The following CPQ variants were observed in gnomAD, a reference collection of about 807,000 sequenced individuals.
The protein encoded by CPQ is Ser-Met dipeptidase.
Under a neutral mutation model 45.7 loss-of-function variants are expected in CPQ, and 37 were observed. The ratio of observed to expected loss-of-function variants is 0.81; its 90% confidence interval spans 0.62 to 1.07. CPQ has a LOEUF of 1.07. Among genes scored for constraint, CPQ ranks in the 50% least tolerant of loss-of-function variants. The pLI, the probability that CPQ is intolerant of heterozygous loss-of-function variation, is 0.00. For missense variants in CPQ, 537 were observed against 572.9 expected (o/e 0.94, Z 0.64); for synonymous variants, 186 against 205.8 (o/e 0.90, Z 0.82).
At chr8:96,840,416 G>T (rs140943046) in intron 3 of CPQ, among the ~76,000 whole-genome samples, 1 of 152,132 alleles carries the variant, frequency 6.6e-6, no homozygotes, top group Non-Finnish European at 1.5e-5. Context: ...TACAGCAGTG[G>T]TTCTTGAAGT....
chr8:96,930,095 G>A (rs1484350539), intron 4 of CPQ, among the ~76,000 whole-genome samples: 1 of 152,148 alleles, frequency 6.6e-6, no homozygotes, highest in Non-Finnish European at 1.5e-5. Flanking sequence ...GGGTTTCTAT[G>A]GCAACAGAAA....
At chr8:96,799,576 G>A (rs551873605) in intron 2 of CPQ, among the ~76,000 whole-genome samples, 1 of 152,112 alleles carries the variant, frequency 6.6e-6, no homozygotes, top group East Asian at 1.9e-4. Context: ...TCAGTTGACG[G>A]ATCTGACTAC....
intron 2 of CPQ, among the ~76,000 whole-genome samples, chr8:96,812,061 A>G (rs1811167005): frequency 6.6e-6 from 1 of 152,222 alleles, no homozygotes; most frequent in Non-Finnish European, 1.5e-5. Flanking sequence ...TCATGAGGCA[A>G]TTCTCTTTGG....
intron 1 of CPQ, among the ~76,000 whole-genome samples, chr8:96,730,862 C>CATAT (rs1490194461): frequency 1.0e-4 from 3 of 29,382 alleles, no homozygotes; most frequent in Non-Finnish European, 2.7e-4. Context: ...ATTAACCATA[C>CATAT]ATACATATAT....
At chr8:96,855,729 C>T (rs1811839224) in intron 3 of CPQ, among the ~76,000 whole-genome samples, 1 of 152,074 alleles carries the variant, frequency 6.6e-6, no homozygotes, top group Non-Finnish European at 1.5e-5. Flanking sequence ...CAGACAGAAA[C>T]TAAGTAAGCA....
intron 1 of CPQ, among the ~76,000 whole-genome samples, chr8:96,707,466 AT>A (rs370728058): frequency 4.6e-5 from 7 of 150,564 alleles, no homozygotes; most frequent in East Asian, 1.9e-4. Context: ...ACATTATGAG[AT>A]TTTTTTTTTC....
In CPQ at chr8:96,653,513, C is replaced by G. The variant is rs555655383; in HGVS notation, c.-35+8111C>G. On this transcript the variant is annotated intron_variant, in intron 1 of 7. Transcript: ENST00000220763. The stretch of plus-strand genomic sequence containing the variant: ...CTGACTCCCTCTACAGTTGAAAATT[C>G]TAGTATAACTTTTGATTCCCCCAGA... Among the ~76,000 whole-genome samples, 5 of 152,222 alleles carry G rather than the reference C, an allele frequency of 3.3e-5. No homozygotes were observed. The South Asian group carries it at 1.0e-3, about 32-fold the overall frequency.
At chr8:96,770,346 C>T (rs913751549) in intron 1 of CPQ, among the ~76,000 whole-genome samples, 1 of 152,176 alleles carries the variant, frequency 6.6e-6, no homozygotes, top group Non-Finnish European at 1.5e-5. Flanking sequence ...ACTGTAGTAA[C>T]TCCAAGAACC....
chr8:96,670,550 A>G (rs1417160984), intron 1 of CPQ, among the ~76,000 whole-genome samples: 2 of 152,118 alleles, frequency 1.3e-5, no homozygotes, highest in Non-Finnish European at 2.9e-5. Context: ...ACAGAGACAG[A>G]CATTATCTAA....
At chr8:97,077,846 G>T (rs1026250499) in intron 7 of CPQ, among the ~76,000 whole-genome samples, 6 of 152,038 alleles carry the variant, frequency 3.9e-5, no homozygotes, top group Non-Finnish European at 8.8e-5. Context: ...ATTCTGAATG[G>T]TACAGTCTAA....
intron 1 of CPQ, among the ~76,000 whole-genome samples, chr8:96,744,344 G>A (rs1481234574): frequency 6.6e-6 from 1 of 152,214 alleles, no homozygotes; most frequent in African/African-American, 2.4e-5. Flanking sequence ...CTCTCGCACA[G>A]TGCGCGCACC....
intron 4 of CPQ, among the ~76,000 whole-genome samples, chr8:96,895,018 C>G (rs1201019460): frequency 2.0e-5 from 3 of 152,200 alleles, no homozygotes; most frequent in Admixed American, 6.5e-5. Context: ...CCATACCTCA[C>G]TCATTGACTG....
chr8:96,664,867 A>G (rs1808899254), intron 1 of CPQ, among the ~76,000 whole-genome samples: 1 of 152,208 alleles, frequency 6.6e-6, no homozygotes, highest in South Asian at 2.1e-4. Flanking sequence ...CACATGCTGA[A>G]TGATGATGAT....
intron 1 of CPQ, among the ~76,000 whole-genome samples, chr8:96,684,936 A>G (rs1809205936): frequency 7.2e-6 from 1 of 138,248 alleles, no homozygotes. Context: ...CATCTCTACT[A>G]AAAAAAAAAA....
At chr8:96,889,984 CACTT>C (rs1235959034) in intron 4 of CPQ, among the ~76,000 whole-genome samples, 1 of 152,182 alleles carries the variant, frequency 6.6e-6, no homozygotes, top group East Asian at 1.9e-4. Context: ...ATCAAGTTGA[CACTT>C]AATATTAACC....
chr8:96,964,883 AT>A lies in CPQ; in HGVS notation c.850-1044del, dbSNP rs376693714. On this transcript the variant is annotated intron_variant, in intron 4 of 7. Coordinates refer to ENST00000220763, the MANE Select transcript of CPQ (RefSeq NM_016134.4). The stretch of plus-strand genomic sequence containing the variant: ...GTATGTTTTATAATGATCAAGATAC[AT>A]TTTTTTTCAAACCAATATTCTATAT... Among the ~76,000 whole-genome samples the A allele has an allele frequency of 5.2e-3, 783 of 151,856 alleles. 6 individuals are homozygous for A. Among genetic ancestry groups the A allele is most frequent in the African/African-American group, 0.018 (741 of 41,414 alleles).
At chr8:96,857,677 G>A (rs1202879688) in intron 3 of CPQ, among the ~76,000 whole-genome samples, 1 of 152,120 alleles carries the variant, frequency 6.6e-6, no homozygotes, top group Non-Finnish European at 1.5e-5. Flanking sequence ...CCTGCTTCCT[G>A]TATACTGGTT....
intron 1 of CPQ, among the ~76,000 whole-genome samples, chr8:96,692,155 T>C (rs1214039012): frequency 6.6e-6 from 1 of 152,156 alleles, no homozygotes; most frequent in Non-Finnish European, 1.5e-5. Flanking sequence ...GAGAATGATA[T>C]TGGTAAGTGC....
intron 1 of CPQ, among the ~76,000 whole-genome samples, chr8:96,750,337 A>G (rs992478715): frequency 6.6e-6 from 1 of 152,008 alleles, no homozygotes; most frequent in Admixed American, 6.6e-5. Context: ...AATAATTTTG[A>G]AAAAGTTATT....
Sources: allele counts gnomAD v4.1 joint callset (sites outside exome capture counted in the v4.1 genomes callset), GRCh38; gene constraint gnomAD v4.1.1; transcripts MANE v1.5; gene names NCBI Gene and HGNC (gene_info 2026-07-23, HGNC 2026-07-21).